PIGR: variants seen among roughly 807,000 people sequenced by gnomAD.
PIGR encodes hepatocellular carcinoma associated protein TB6.
PIGR carries 22 observed loss-of-function variants against 69.5 expected under a neutral mutation model. That is an observed-to-expected ratio of 0.32 (90% CI 0.23 to 0.45). PIGR has a LOEUF of 0.45. PIGR is among the 20% of genes least tolerant of loss of function. The probability of loss-of-function intolerance (pLI) is 1.00; values close to 1 mark genes in which losing one functional copy is unlikely to be tolerated. For synonymous variants in PIGR, 413 were observed against 407.6 expected (o/e 1.01, Z -0.16); for missense variants, 885 against 974.0 (o/e 0.91, Z 1.22).
chr1:206,938,941 G>A (rs879451247), intron 3 of PIGR, among the ~76,000 whole-genome samples, 178 bp downstream of exon 3: 1 of 152,170 alleles, frequency 6.6e-6, no homozygotes, highest in Non-Finnish European at 1.5e-5. Flanking sequence ...TCACCCCCAA[G>A]TAGGCCCTAT....
chr1:206,940,605 G>A, intron 1 of PIGR, 21 bp from the exon 2 acceptor site: 1 of 1,421,094 alleles, frequency 7.0e-7, no homozygotes, highest in Non-Finnish European at 9.5e-7. Context: ...ATAATCACAA[G>A]GAGATGAAGC....
Position 206,930,308 on chromosome 1 carries a change from G to A in PIGR, c.*10C>T, listed in dbSNP as rs1207286632. On this transcript the variant is annotated 3_prime_UTR_variant, in exon 11 of 11. Transcript: ENST00000356495. This position sits in a 1 kb window ranked among gnomAD's most constrained non-coding sequence, Gnocchi z 4.3. ...TTGTCATGGGTGCAGGGAGCAGGCGGCGACACCGTCTAGGCTTCCTGGGGG... is the reference window on the plus strand; with the variant it reads ...TTGTCATGGGTGCAGGGAGCAGGCGACGACACCGTCTAGGCTTCCTGGGGG... 1 of 1,607,578 alleles carries A rather than the reference G, an allele frequency of 6.2e-7. No individual in the cohort carries two copies. The highest frequency in any genetic ancestry group is 1.7e-5 in the Admixed American group (1 of 59,268).
chr1:206,937,618 C>A lies in PIGR; in HGVS notation c.522G>T (p.Val174=). The A allele has an allele frequency of 1.9e-6, 3 of 1,613,906 alleles. No individual in the cohort carries two copies. Among genetic ancestry groups the A allele is most frequent in the African/African-American group, 1.3e-5 (1 of 75,036 alleles). Residue 174 remains valine (V), a synonymous_variant, in exon 4 of 11, where the codon GTG becomes GTT. Coordinates refer to ENST00000356495, the MANE Select transcript of PIGR (RefSeq NM_002644.4). ...CATAACCACTGGAGTCGATGACCAGCACAGGGTACAGGCCTATCTGCTTGT... is the reference window on the plus strand; with the variant it reads ...CATAACCACTGGAGTCGATGACCAGAACAGGGTACAGGCCTATCTGCTTGT... ...SLYKQIGLYP[V]LVIDSSGYVN...
At position 206,934,683 on chromosome 1, in the gene PIGR, G is replaced by A. The variant is rs1284585587; in HGVS notation, c.1442C>T (p.Pro481Leu). Residue 481 changes from proline to leucine, a missense_variant, in exon 6 of 11, where the codon CCC (proline) becomes CTC (leucine). By Grantham distance (98) the Pro-to-Leu change is moderately conservative. Transcript: ENST00000356495. The part of the protein sequence containing the change: ...TAVLGETLKV[P>L]CHFPCKFSSY... ...GGAGAATTTGCATGGAAAGTGACAGGGGACCTTGAGAGTCTCTCCCAGCAC... is the reference window on the plus strand; with the variant it reads ...GGAGAATTTGCATGGAAAGTGACAGAGGACCTTGAGAGTCTCTCCCAGCAC... The A allele has an allele frequency of 6.2e-7, 1 of 1,613,372 alleles. No homozygotes were observed. The highest frequency in any genetic ancestry group is 1.1e-5 in the South Asian group (1 of 91,072).
chr1:206,933,703 A>C (rs1429841015), intron 6 of PIGR, among the ~76,000 whole-genome samples: 1 of 152,248 alleles, frequency 6.6e-6, no homozygotes, highest in African/African-American at 2.4e-5. Flanking sequence ...CAGACCTTGT[A>C]AATGAAGGTA....
chr1:206,939,036 G>A (rs1679928759), intron 3 of PIGR, 83 bp downstream of exon 3: 1 of 1,216,478 alleles, frequency 8.2e-7, no homozygotes, highest in East Asian at 2.3e-5. Context: ...TCCTTGTCAG[G>A]AAGTTCCTCC....
intron 10 of PIGR, chr1:206,931,244 G>A: frequency 2.0e-6 from 2 of 985,370 alleles, no homozygotes; most frequent in Non-Finnish European, 2.4e-6. Flanking sequence ...CTCCTGGCCT[G>A]CCTCTCTCCT....
intron 3 of PIGR, 21 bp downstream of exon 3, chr1:206,939,098 C>A: frequency 6.3e-7 from 1 of 1,577,922 alleles, no homozygotes; most frequent in Middle Eastern, 1.8e-4. Flanking sequence ...CCCCAGAAGC[C>A]CAAGGAGCTT....
chr1:206,934,512 T>G lies in PIGR; in HGVS notation c.1613A>C (p.Asp538Ala), dbSNP rs377224554. The change falls in exon 6 of 11, where the codon GAT (aspartate) becomes GCT (alanine). Residue 538 changes from aspartate to alanine, a missense_variant. Transcript: ENST00000356495. ...CACTCCACACCAGTACCAGCCCTCA[T>G]CAGCCCTGGTCACCAGGTTCAGGGT... ...SLTLNLVTRA[D>A]EGWYWCGVKQ... 6.2e-7 allele frequency: 1 copy of G among 1,614,230 alleles called. No homozygotes were observed. Among genetic ancestry groups the G allele is most frequent in the Non-Finnish European group, 8.5e-7 (1 of 1,180,038 alleles).
Position 206,930,025 on chromosome 1 carries a change from C to G in PIGR, c.*293G>C. On this transcript the variant is annotated 3_prime_UTR_variant, in exon 11 of 11. Coordinates refer to ENST00000356495, the MANE Select transcript of PIGR (RefSeq NM_002644.4). This position sits in a 1 kb window ranked among gnomAD's most constrained non-coding sequence, Gnocchi z 4.3. ...CTGCAATCAGCTCTCCCACCCTGGT[C>G]CCTCTTCCTTCAAGGGACCCATGAG... The G allele has an allele frequency of 3.0e-6, 1 of 331,702 alleles. No homozygotes were observed. The highest frequency in any genetic ancestry group is 5.4e-6 in the Non-Finnish European group (1 of 183,954). 20.5% of individuals were successfully genotyped at this position (331,702 alleles called of 1,614,324 possible).
Position 206,937,472 on chromosome 1 carries a change from C to G in PIGR, c.668G>C (p.Gly223Ala), listed in dbSNP as rs1406146257. ...CTTCTTATTACTATTGGAATCATCC[C>G]CAGCCTGGCAGAGATACTGCCCAGC... ...SDAGQYLCQAGDDSNSNKKNA... is the reference protein window; with the variant it reads ...SDAGQYLCQAADDSNSNKKNA... The change falls in exon 4 of 11, where the codon GGG becomes GCG. Residue 223 changes from glycine (G) to alanine (A), a missense_variant. Transcript: ENST00000356495. 1.2e-6 allele frequency: 2 copies of G among 1,614,144 alleles called. No individual in the cohort carries two copies. Among genetic ancestry groups the G allele is most frequent in the South Asian group, 2.2e-5 (2 of 91,082 alleles).
chr1:206,939,518 C>T, intron 2 of PIGR, 55 bp from the exon 3 acceptor site: 1 of 1,266,426 alleles, frequency 7.9e-7, no homozygotes, highest in Admixed American at 1.9e-5. Flanking sequence ...AAAGCCTGTT[C>T]CAGATAACCC....
intron 1 of PIGR, among the ~76,000 whole-genome samples, chr1:206,943,188 G>C (rs1680030339): frequency 6.6e-6 from 1 of 152,110 alleles, no homozygotes; most frequent in Non-Finnish European, 1.5e-5. Flanking sequence ...GCTTTGCTAG[G>C]TTCTTTTCTT....
chr1:206,940,642 C>A, intron 1 of PIGR, 58 bp from the exon 2 acceptor site: 3 of 1,087,382 alleles, frequency 2.8e-6, no homozygotes, highest in South Asian at 1.7e-5. Context: ...GACTAGTTGA[C>A]CTTAGAGTTT....
chr1:206,940,701 G>C, intron 1 of PIGR, 117 bp from the exon 2 acceptor site: 1 of 602,408 alleles, frequency 1.7e-6, no homozygotes, highest in Non-Finnish European at 2.9e-6. Flanking sequence ...CATAAATCCT[G>C]TTGAATGAAT....
At chr1:206,941,291 C>T (rs988606262) in intron 1 of PIGR, among the ~76,000 whole-genome samples, 29 of 151,940 alleles carry the variant, frequency 1.9e-4, no homozygotes, top group African/African-American at 6.0e-4. Context: ...GAATGGGGGT[C>T]GGGGAAGATT....
At position 206,931,513 on chromosome 1, in the gene PIGR, G is replaced by T. The variant is rs1679749156; in HGVS notation, c.2183C>A (p.Pro728His). ...CCTCCTCACCCTTTTTGCCTTCTTG[G>T]GTTCTTTGGTCTCTGTGGTGCTCTC... ...TTESTTETKE[P>H]KKAKRSSKEE... The change falls in exon 10 of 11, where the codon CCC becomes CAC. Residue 728 changes from proline (P) to histidine (H), a missense_variant. Physicochemically the swap from Pro to His is moderately conservative, Grantham distance 77. Coordinates refer to ENST00000356495, the MANE Select transcript of PIGR (RefSeq NM_002644.4). 1 of 1,613,866 alleles carries T rather than the reference G, an allele frequency of 6.2e-7. No homozygotes were observed.
intron 1 of PIGR, among the ~76,000 whole-genome samples, chr1:206,945,766 C>T (rs1680094231): frequency 6.6e-6 from 1 of 152,226 alleles, no homozygotes; most frequent in Admixed American, 6.5e-5. Flanking sequence ...AGGTGCCATA[C>T]TTTATGCGCA....
intron 2 of PIGR, 32 bp from the exon 3 acceptor site, chr1:206,939,495 G>T (rs761425995): frequency 2.7e-6 from 4 of 1,497,528 alleles, no homozygotes; most frequent in Non-Finnish European, 3.7e-6. Context: ...GCTTTCTGAG[G>T]CCCTTGGGAG....
Sources: gnomAD v4.1 joint callset for allele counts (sites outside exome capture counted in the v4.1 genomes callset) on GRCh38, gnomAD v4.1.1 for gene constraint, Gnocchi (gnomAD v3.1) non-coding constraint, MANE v1.5 for transcripts, NCBI Gene and HGNC (gene_info 2026-07-23, HGNC 2026-07-21) for gene names.